The following PCNT variants were observed in gnomAD, a reference collection of about 807,000 sequenced individuals.
PCNT encodes the protein pericentrin.
Under a neutral mutation model 380.4 loss-of-function variants are expected in PCNT, and 319 were observed. That is an observed-to-expected ratio of 0.84 (90% CI 0.77 to 0.92). The LOEUF (loss-of-function observed/expected upper bound fraction) is 0.92. Ranked by LOEUF, PCNT falls within the 40% of genes least tolerant of loss-of-function variation. PCNT has a pLI of 0.00. For synonymous variants in PCNT, 1,845 were observed against 1,735.2 expected (o/e 1.06, Z -1.57); for missense variants, 4,400 against 4,255.3 (o/e 1.03, Z -0.95).
intron 8 of PCNT, among the ~76,000 whole-genome samples, chr21:46,350,381 C>T (rs577743380): frequency 1.3e-5 from 2 of 152,164 alleles, no homozygotes; most frequent in Admixed American, 6.5e-5. Context: ...ATCCTCTAAC[C>T]GTGATCCAGT....
At chr21:46,442,353 A>G in intron 43 of PCNT, 144 bp from the exon 44 acceptor site, 1 of 698,112 alleles carries the variant, frequency 1.4e-6, no homozygotes. Context: ...GGCCCGAGTC[A>G]ACAGACTGGC....
At position 46,367,147 on chromosome 21, in the gene PCNT, G is replaced by T. The variant is rs764267935; in HGVS notation, c.3165+8G>T. 5.0e-6 allele frequency: 8 copies of T among 1,610,082 alleles called. No homozygotes were observed. The Admixed American group carries it at 1.0e-4, about 20-fold the overall frequency. On this transcript the variant is annotated splice_region_variant and intron_variant, in intron 15 of 46. Coordinates refer to ENST00000359568, the MANE Select transcript of PCNT (RefSeq NM_006031.6). ...CTGCAGGGAGTGCACCAGGTAAGGCGCCAGGGCCCTGCCCCAGCCCAGGGC... is the reference window on the plus strand; with the variant it reads ...CTGCAGGGAGTGCACCAGGTAAGGCTCCAGGGCCCTGCCCCAGCCCAGGGC...
chr21:46,365,471 ACTGCCG>A (rs2084880834), intron 14 of PCNT, among the ~76,000 whole-genome samples: 4 of 141,650 alleles, frequency 2.8e-5, no homozygotes, highest in Non-Finnish European at 4.6e-5. Flanking sequence ...GGTTCTGTTC[ACTGCCG>A]TGGGGTTCTG....
chr21:46,417,165 T>G (rs1479620977), intron 30 of PCNT, among the ~76,000 whole-genome samples: 2 of 151,708 alleles, frequency 1.3e-5, no homozygotes, highest in African/African-American at 4.8e-5. Context: ...TTTTTTAGAT[T>G]TATTTTTAGG....
In PCNT at chr21:46,398,272, G is replaced by T; in HGVS notation, c.4584+17G>T. On this transcript the variant is annotated intron_variant, in intron 24 of 46. Transcript: ENST00000359568. ...GATGGAGAGGTGAGGAGGCGTCAACGAGATGGGCACTCCCTGCGCTGGCGC... is the reference window on the plus strand; with the variant it reads ...GATGGAGAGGTGAGGAGGCGTCAACTAGATGGGCACTCCCTGCGCTGGCGC... The T allele has an allele frequency of 6.3e-7, 1 of 1,599,344 alleles. No individual in the cohort carries two copies. The highest frequency in any genetic ancestry group is 8.5e-7 in the Non-Finnish European group (1 of 1,174,194).
chr21:46,410,972 A>T (rs2086765866), intron 27 of PCNT, among the ~76,000 whole-genome samples: 1 of 152,234 alleles, frequency 6.6e-6, no homozygotes. Context: ...TCGTCCCACG[A>T]TCAGACGTGG....
Position 46,381,860 on chromosome 21 carries a change from C to G in PCNT, c.3312+20C>G, listed in dbSNP as rs765715155. 1.9e-6 allele frequency: 3 copies of G among 1,613,416 alleles called. No homozygotes were observed. The highest frequency in any genetic ancestry group is 1.7e-6 in the Non-Finnish European group (2 of 1,179,380). ...CAGCAGGTGTGTGGAATACGCTGTT[C>G]CCTTGTGATAAGACGTGTATAGCAT... On this transcript the variant is annotated intron_variant, in intron 16 of 46. Transcript: ENST00000359568.
At chr21:46,439,031 T>A (rs2053538722) in intron 41 of PCNT, among the ~76,000 whole-genome samples, 2 of 151,458 alleles carry the variant, frequency 1.3e-5, no homozygotes, top group South Asian at 4.2e-4. Flanking sequence ...GAATGTCTCA[T>A]TTTTTTTTCT....
Position 46,416,234 on chromosome 21 carries a change from T to A in PCNT, c.6316T>A (p.Leu2106Met). The change falls in exon 30 of 47, where the codon TTG (leucine) becomes ATG (methionine). Residue 2106 changes from leucine to methionine, a missense_variant. By Grantham distance (15) the Leu-to-Met change is conservative (BLOSUM62 2). Transcript: ENST00000359568. ...GTGGCCCATGGCCTCAGCACACCTG[T>A]TGGAGAGCAGCTGGAGTGATGATTC... ...SLWPMASAHL[L>M]ESSWSDDSCD... 6.2e-7 allele frequency: 1 copy of A among 1,614,150 alleles called. No individual in the cohort carries two copies. Among genetic ancestry groups the A allele is most frequent in the Non-Finnish European group, 8.5e-7 (1 of 1,180,002 alleles).
At chr21:46,428,888 C>T (rs1443755113) in intron 35 of PCNT, among the ~76,000 whole-genome samples, 4 of 152,170 alleles carry the variant, frequency 2.6e-5, no homozygotes, top group African/African-American at 4.8e-5. Flanking sequence ...AGGAATGTCT[C>T]GTAGGTTTCT....
chr21:46,444,884 G>T, intron 46 of PCNT, 63 bp downstream of exon 46: 1 of 1,533,426 alleles, frequency 6.5e-7, no homozygotes. Context: ...GAAACGTAGG[G>T]TCTGTTGAAA....
At chr21:46,421,397 C>T (rs2087243180) in intron 31 of PCNT, among the ~76,000 whole-genome samples, 1 of 152,220 alleles carries the variant, frequency 6.6e-6, no homozygotes, top group African/African-American at 2.4e-5. Context: ...TTCCAAAGCG[C>T]CCCCCTCCCT....
intron 46 of PCNT, 120 bp downstream of exon 46, chr21:46,444,941 CAG>C: frequency 1.1e-6 from 1 of 909,072 alleles, no homozygotes; most frequent in Non-Finnish European, 1.8e-6. Flanking sequence ...TCTGAACAAT[CAG>C]TGTCACTAAT....
chr21:46,347,657 G>T (rs1042682687), intron 6 of PCNT, 145 bp downstream of exon 6: 10 of 767,842 alleles, frequency 1.3e-5, no homozygotes, highest in African/African-American at 1.7e-5. Flanking sequence ...AGTGTATTGC[G>T]TTCTTTGTTT....
In PCNT at chr21:46,346,028, G is replaced by A. The variant is rs1158885549; in HGVS notation, c.640-100G>A. On this transcript the variant is annotated intron_variant, in intron 3 of 46. Coordinates refer to ENST00000359568, the MANE Select transcript of PCNT (RefSeq NM_006031.6). ...GAGTGGTGCTGCTGTGAACAGCTGC[G>A]AACGGGGTTTTGTGAGGACGTGCGT... The A allele has an allele frequency of 1.4e-5, 16 of 1,137,926 alleles. 1 individual carries two copies. Among genetic ancestry groups the A allele is most frequent in the East Asian group, 2.4e-5 (1 of 42,378 alleles). The allele number at this position is 1,137,926 out of a possible 1,614,324, so 70.5% of individuals were successfully genotyped here. A position where few individuals can be genotyped will look rare whatever the true frequency, so the allele number is the denominator to read the frequency against.
chr21:46,350,398 G>A (rs982729922), intron 8 of PCNT, among the ~76,000 whole-genome samples: 1 of 152,044 alleles, frequency 6.6e-6, no homozygotes, highest in Non-Finnish European at 1.5e-5. Context: ...CAGTACACAC[G>A]AGATTCCTAG....
At chr21:46,381,865 G>T in intron 16 of PCNT, 25 bp downstream of exon 16, 1 of 1,612,508 alleles carries the variant, frequency 6.2e-7, no homozygotes. Flanking sequence ...CTGTTCCCTT[G>T]TGATAAGACG....
At chr21:46,380,462 C>T (rs1440848026) in intron 15 of PCNT, among the ~76,000 whole-genome samples, 1 of 151,716 alleles carries the variant, frequency 6.6e-6, no homozygotes, top group African/African-American at 2.4e-5. Context: ...GCCCGGCCAA[C>T]CCTGGGTAGA....
chr21:46,381,660 T>C (rs1293735677), intron 15 of PCNT, 34 bp from the exon 16 acceptor site: 1 of 1,594,562 alleles, frequency 6.3e-7, no homozygotes, highest in Admixed American at 1.7e-5. Flanking sequence ...TTTTCTAGCT[T>C]ACTGGTATTT....
Sources: allele counts gnomAD v4.1 joint callset (sites outside exome capture counted in the v4.1 genomes callset), GRCh38; gene constraint gnomAD v4.1.1; transcripts MANE v1.5; gene names NCBI Gene and HGNC (gene_info 2026-07-23, HGNC 2026-07-21).